The following PACRG variants were observed in gnomAD, a reference collection of about 807,000 sequenced individuals.
PACRG encodes parkin coregulated, also known as parkin coregulated gene protein.
PACRG carries 29 observed loss-of-function variants against 29.7 expected under a neutral mutation model. That is an observed-to-expected ratio of 0.98 (90% CI 0.73 to 1.33). The LOEUF is 1.33. PACRG is among the 40% of genes most tolerant of loss of function. PACRG has a pLI of 0.00. For missense variants in PACRG, 279 were observed against 316.2 expected, an observed-to-expected ratio of 0.88 and a Z score of 0.89; for synonymous variants, 116 against 118.7, an observed-to-expected ratio of 0.98 and a Z score of 0.15.
intron 2 of PACRG, among the ~76,000 whole-genome samples, chr6:162,888,771 C>G (rs1794547618): frequency 6.6e-6 from 1 of 152,162 alleles, no homozygotes; most frequent in African/African-American, 2.4e-5. Context: ...CAACCTTCCT[C>G]TTTGGAAAAC....
At chr6:162,960,949 T>C (rs997158116) in intron 2 of PACRG, among the ~76,000 whole-genome samples, 2 of 152,244 alleles carry the variant, frequency 1.3e-5, no homozygotes, top group South Asian at 4.1e-4. Context: ...AAGTTAAGAC[T>C]GTAATGCGTT....
chr6:163,062,430 A>G, intron 3 of PACRG, 109 bp downstream of exon 3: 3 of 1,268,696 alleles, frequency 2.4e-6, no homozygotes, highest in Non-Finnish European at 3.2e-6. Flanking sequence ...CCAGTTTTGC[A>G]GGAATTTTCA....
chr6:163,236,430 G>A (rs767035063), intron 4 of PACRG, among the ~76,000 whole-genome samples: 3 of 152,206 alleles, frequency 2.0e-5, no homozygotes, highest in Admixed American at 6.5e-5. Context: ...TCTCTTCTAC[G>A]TATTCCTAAG....
chr6:163,030,109 C>A (rs1420282629), intron 2 of PACRG, among the ~76,000 whole-genome samples: 2 of 152,022 alleles, frequency 1.3e-5, no homozygotes, highest in African/African-American at 4.8e-5. Context: ...ATATTCTGTT[C>A]TTTTTACTCC....
chr6:162,913,415 T>C (rs1395610796), intron 2 of PACRG, among the ~76,000 whole-genome samples: 1 of 152,196 alleles, frequency 6.6e-6, no homozygotes, highest in Non-Finnish European at 1.5e-5. Context: ...TGCTGAGTAG[T>C]GTTTTATTGT....
In PACRG at chr6:163,218,702, C is replaced by T. The variant is rs191133024; in HGVS notation, c.614-96125C>T. Among the ~76,000 whole-genome samples the T allele has an allele frequency of 2.0e-5, 3 of 152,336 alleles. No individual in the cohort carries two copies. In the East Asian group the frequency reaches 5.8e-4, roughly 29 times the overall value. ...GCCTTGTCCACCTGCTCCTCCAGCT[C>T]CTCCCAGCTCACAGGTCGCTCCCTC... On this transcript the variant is annotated intron_variant, in intron 4 of 4. Coordinates refer to ENST00000366888, the MANE Select transcript of PACRG (RefSeq NM_001080379.2).
chr6:163,109,130 A>G (rs995927340), intron 4 of PACRG, among the ~76,000 whole-genome samples: 6 of 152,236 alleles, frequency 3.9e-5, no homozygotes, highest in Admixed American at 2.0e-4. Flanking sequence ...ATTCAGTGTC[A>G]TATTTCATAT....
At chr6:163,196,031 C>T (rs918830797) in intron 4 of PACRG, among the ~76,000 whole-genome samples, 3 of 152,218 alleles carry the variant, frequency 2.0e-5, no homozygotes, top group Non-Finnish European at 4.4e-5. Flanking sequence ...CCCTCCCAGA[C>T]CCCGTCCCTC....
intron 4 of PACRG, among the ~76,000 whole-genome samples, chr6:163,180,091 C>A (rs1196433270): frequency 6.6e-6 from 1 of 152,252 alleles, no homozygotes; most frequent in Non-Finnish European, 1.5e-5. Context: ...CAGTGATCAG[C>A]TCTGGTCATT....
rs549243726 is a variant in PACRG, at chr6:162,771,183, T to C, written c.156+42792T>C. 1.5e-4 allele frequency among the ~76,000 whole-genome samples: 23 copies of C among 152,304 alleles called. No individual in the cohort carries two copies. In the South Asian group the frequency reaches 4.8e-3, roughly 32 times the overall value. On this transcript the variant is annotated intron_variant, in intron 1 of 4. Transcript: ENST00000366888. Reference sequence around the variant, plus strand: ...ACTTTATGATGAAATAACCTTGTTATTGCCATTCAAGTTACATCATAACTT... The same window carrying C: ...ACTTTATGATGAAATAACCTTGTTACTGCCATTCAAGTTACATCATAACTT...
At chr6:162,928,355 G>A (rs964098031) in intron 2 of PACRG, among the ~76,000 whole-genome samples, 1 of 151,792 alleles carries the variant, frequency 6.6e-6, no homozygotes, top group Non-Finnish European at 1.5e-5. Flanking sequence ...GGTCTCAGTT[G>A]TTATGTCTCC....
intron 2 of PACRG, among the ~76,000 whole-genome samples, chr6:162,909,041 C>T (rs1331892437): frequency 2.6e-5 from 4 of 152,186 alleles, no homozygotes; most frequent in Non-Finnish European, 5.9e-5. Flanking sequence ...GTAGTATACA[C>T]GACTCCTCTT....
chr6:163,086,277 A>G (rs934940097), intron 3 of PACRG, among the ~76,000 whole-genome samples: 4 of 152,212 alleles, frequency 2.6e-5, no homozygotes, highest in African/African-American at 9.6e-5. Context: ...TCTACTGCTG[A>G]CTGCAACACG....
intron 2 of PACRG, among the ~76,000 whole-genome samples, chr6:162,988,972 A>C (rs56936568): frequency 0.059 from 8,980 of 152,248 alleles, 835 homozygotes; most frequent in African/African-American, 0.2. Flanking sequence ...TACAATGTTC[A>C]ATACATTTCT....
At chr6:162,899,649 T>C (rs1281639173) in intron 2 of PACRG, among the ~76,000 whole-genome samples, 1 of 152,070 alleles carries the variant, frequency 6.6e-6, no homozygotes, top group Non-Finnish European at 1.5e-5. Context: ...GGCTGAGAGC[T>C]TTAGAGCCCT....
At chr6:163,023,542 G>A (rs1459858168) in intron 2 of PACRG, among the ~76,000 whole-genome samples, 1 of 152,174 alleles carries the variant, frequency 6.6e-6, no homozygotes, top group Non-Finnish European at 1.5e-5. Flanking sequence ...GTATGCAAGT[G>A]TATGTGGTTT....
At chr6:163,244,527 G>A (rs58995546) in intron 4 of PACRG, among the ~76,000 whole-genome samples, 2,201 of 152,252 alleles carry the variant, frequency 0.014, 43 homozygotes, top group African/African-American at 0.05. Flanking sequence ...ATTTTCGAAA[G>A]GAAGGCCCAG....
intron 2 of PACRG, among the ~76,000 whole-genome samples, chr6:163,002,226 G>A (rs1322709169): frequency 2.0e-5 from 3 of 152,114 alleles, no homozygotes; most frequent in Non-Finnish European, 4.4e-5. Flanking sequence ...AGTAATACTG[G>A]TGCCTGTGTG....
At chr6:162,805,391 A>G (rs917403440) in intron 1 of PACRG, among the ~76,000 whole-genome samples, 1 of 152,182 alleles carries the variant, frequency 6.6e-6, no homozygotes, top group Non-Finnish European at 1.5e-5. Flanking sequence ...GCTAACAATC[A>G]TCTGAGCCTT....
Sources: allele counts gnomAD v4.1 joint callset (sites outside exome capture counted in the v4.1 genomes callset), GRCh38; gene constraint gnomAD v4.1.1; transcripts MANE v1.5; gene names NCBI Gene and HGNC (gene_info 2026-07-23, HGNC 2026-07-21).